The following AKAP19 variants were observed in gnomAD, a reference collection of about 807,000 sequenced individuals.
AKAP19 encodes A-kinase anchoring protein 19, also known as small A-kinase anchoring protein.
chr2:189,896,685 G>T, the AKAP19 span, among the ~76,000 whole-genome samples: 6 of 152,054 alleles, frequency 3.9e-5, no homozygotes, highest in Admixed American at 3.9e-4. Flanking sequence ...TGGATCTTAA[G>T]ATTCAGTCTC....
chr2:189,915,096 G>A, the AKAP19 span, among the ~76,000 whole-genome samples: 8 of 152,226 alleles, frequency 5.3e-5, no homozygotes, highest in Non-Finnish European at 7.4e-5. Context: ...ATTAAAACAT[G>A]CATGGAAAGA....
chr2:189,929,094 G>A, the AKAP19 span, among the ~76,000 whole-genome samples: 1 of 152,194 alleles, frequency 6.6e-6, no homozygotes. Flanking sequence ...ATGAAGTCAT[G>A]TGGTTATACA....
the AKAP19 span, among the ~76,000 whole-genome samples, chr2:190,155,750 A>T: frequency 6.6e-6 from 1 of 152,222 alleles, no homozygotes; most frequent in Middle Eastern, 3.2e-3. Flanking sequence ...TAGAATAGTC[A>T]TTGGAATACT....
the AKAP19 span, among the ~76,000 whole-genome samples, chr2:190,103,354 G>C: frequency 6.6e-6 from 1 of 152,116 alleles, no homozygotes; most frequent in African/African-American, 2.4e-5. Context: ...AATCGGAAGA[G>C]AAAAAAATCA....
At chr2:190,200,047 C>A in the AKAP19 span, 1 of 1,614,114 alleles carries the variant, frequency 6.2e-7, no homozygotes, top group Non-Finnish European at 8.5e-7. Flanking sequence ...GGAATATGCA[C>A]ACCGCCTGTC....
the AKAP19 span, among the ~76,000 whole-genome samples, chr2:189,971,216 G>A: frequency 2.6e-5 from 4 of 152,086 alleles, no homozygotes; most frequent in Admixed American, 2.0e-4. Context: ...TCCCACCTAT[G>A]AGTGAGAACA....
At chr2:189,936,108 A>T in the AKAP19 span, among the ~76,000 whole-genome samples, 2 of 152,154 alleles carry the variant, frequency 1.3e-5, no homozygotes, top group African/African-American at 2.4e-5. Flanking sequence ...TTAAAATGAG[A>T]ATTAGAATTC....
the AKAP19 span, chr2:190,190,102 TA>T: frequency 6.6e-6 from 1 of 152,240 alleles, no homozygotes; most frequent in Non-Finnish European, 1.5e-5. Flanking sequence ...TGAAATACAG[TA>T]AACAGATGTT....
the AKAP19 span, among the ~76,000 whole-genome samples, chr2:190,062,055 GT>G: frequency 1.3e-5 from 2 of 151,764 alleles, no homozygotes; most frequent in Admixed American, 1.3e-4. Flanking sequence ...GCAGATTTTT[GT>G]CTCATTAATA....
chr2:190,178,700 A>G, the AKAP19 span, among the ~76,000 whole-genome samples: 1 of 152,200 alleles, frequency 6.6e-6, no homozygotes, highest in Non-Finnish European at 1.5e-5. This position sits in a 1 kb window ranked among gnomAD's most constrained non-coding sequence, Gnocchi z 6.3. Context: ...TCATCTGTAG[A>G]CCAAAGGCTG....
the AKAP19 span, among the ~76,000 whole-genome samples, chr2:189,900,389 C>T: frequency 6.6e-6 from 1 of 151,880 alleles, no homozygotes; most frequent in Non-Finnish European, 1.5e-5. Context: ...ACATGTATTC[C>T]CCCCCAAAAT....
At chr2:190,087,590 C>T in the AKAP19 span, among the ~76,000 whole-genome samples, 2 of 152,198 alleles carry the variant, frequency 1.3e-5, no homozygotes. Flanking sequence ...CTCCCTTTAA[C>T]CATTCCTCAA....
At chr2:190,029,699 A>G in the AKAP19 span, among the ~76,000 whole-genome samples, 1 of 152,200 alleles carries the variant, frequency 6.6e-6, no homozygotes, top group African/African-American at 2.4e-5. Flanking sequence ...AGCCAGGGAC[A>G]TGTGTAAAAA....
the AKAP19 span, among the ~76,000 whole-genome samples, chr2:189,918,883 A>C: frequency 6.6e-6 from 1 of 152,236 alleles, no homozygotes; most frequent in East Asian, 1.9e-4. Flanking sequence ...TATTATGTTA[A>C]GTGAAAGAAC....
At chr2:190,134,836 A>G in the AKAP19 span, among the ~76,000 whole-genome samples, 2 of 151,326 alleles carry the variant, frequency 1.3e-5, no homozygotes, top group East Asian at 3.8e-4. Context: ...AGTTGCTTAC[A>G]GTTGTTTATA....
chr2:189,950,242 G>A, the AKAP19 span, among the ~76,000 whole-genome samples: 2 of 150,706 alleles, frequency 1.3e-5, no homozygotes, highest in Non-Finnish European at 3.0e-5. Context: ...TGGCCAGGCT[G>A]GTCTCGAACT....
the AKAP19 span, among the ~76,000 whole-genome samples, chr2:190,049,784 A>G: frequency 1.3e-5 from 2 of 152,200 alleles, no homozygotes; most frequent in South Asian, 4.1e-4. Flanking sequence ...GATTTCTGTT[A>G]TTTACAGCTG....
At chr2:190,065,503 T>G in the AKAP19 span, among the ~76,000 whole-genome samples, 1 of 152,182 alleles carries the variant, frequency 6.6e-6, no homozygotes, top group Non-Finnish European at 1.5e-5. Context: ...GGGAAAAAAG[T>G]TCTCATGAAA....
At chr2:190,145,412 A>G in the AKAP19 span, among the ~76,000 whole-genome samples, 1 of 152,204 alleles carries the variant, frequency 6.6e-6, no homozygotes, top group African/African-American at 2.4e-5. Flanking sequence ...TGCTTTATGA[A>G]CAAAAAAATT....
Sources: gnomAD v4.1 joint callset for allele counts (sites outside exome capture counted in the v4.1 genomes callset) on GRCh38, gnomAD v4.1.1 for gene constraint, Gnocchi (gnomAD v3.1) non-coding constraint, MANE v1.5 for transcripts, NCBI Gene and HGNC (gene_info 2026-07-23, HGNC 2026-07-21) for gene names.